The following GJC1 variants were observed in gnomAD, a reference collection of about 807,000 sequenced individuals.
GJC1 encodes gap junction gamma-1 protein.
In GJC1, 5 loss-of-function variants were observed where a neutral mutation model predicts 29.3. That is an observed-to-expected ratio of 0.17 (90% CI 0.09 to 0.36). The LOEUF is 0.36. GJC1 is among the 10% of genes least tolerant of loss of function. GJC1 has a pLI of 1.00. For missense variants in GJC1, 310 were observed against 496.2 expected (o/e 0.62, Z 3.56); for synonymous variants, 177 against 183.3 (o/e 0.97, Z 0.28).
intron 2 of GJC1, among the ~76,000 whole-genome samples, chr17:44,806,408 T>TTTG (rs2049913769): frequency 6.6e-6 from 1 of 150,836 alleles, no homozygotes; most frequent in African/African-American, 2.4e-5. Flanking sequence ...TTTGTTTTTT[T>TTTG]TTTTTTTTTT....
At chr17:44,795,688 C>T (rs114573727), downstream of GJC1, among the ~76,000 whole-genome samples, 343 of 152,338 alleles carry the variant, frequency 2.3e-3, no homozygotes, top group African/African-American at 7.9e-3. Context: ...GCTCTGACCC[C>T]AAGACAGTGT....
At chr17:44,808,761 TAAAG>T (rs1262522203) in intron 1 of GJC1, among the ~76,000 whole-genome samples, 8 of 151,668 alleles carry the variant, frequency 5.3e-5, no homozygotes, top group Admixed American at 4.6e-4. Context: ...CCTCAAAAAA[TAAAG>T]AAGCAAAAAG....
intron 1 of GJC1, chr17:44,829,389 A>G (rs185381553): frequency 2.6e-5 from 4 of 152,128 alleles, no homozygotes; most frequent in Non-Finnish European, 5.9e-5. Context: ...CACACACACA[A>G]AACAGTTCTC....
chr17:44,815,041 A>G (rs2050027174), intron 1 of GJC1, among the ~76,000 whole-genome samples: 2 of 152,086 alleles, frequency 1.3e-5, no homozygotes, highest in Admixed American at 6.6e-5. Flanking sequence ...TCTGAGATTC[A>G]GCTGTGAATG....
Position 44,811,083 on chromosome 17 carries a change from C to CT in GJC1, c.-96-3615dup, listed in dbSNP as rs112392353. Among the ~76,000 whole-genome samples the CT allele has an allele frequency of 2.6e-3, 380 of 144,098 alleles. 1 individual carries two copies. The highest frequency in any genetic ancestry group is 6.8e-3 in the African/African-American group (267 of 39,416). The allele number at this position is 144,098 out of a possible 152,430, so 94.5% of individuals were successfully genotyped here. On this transcript the variant is annotated intron_variant, in intron 1 of 2. Transcript: ENST00000592524. ...CACACGCAGCCAATATAATTTCTTT[C>CT]TTTTTTTTTTTGAGATGGAGTTTCG...
At chr17:44,818,257 A>C (rs2050066064) in intron 1 of GJC1, among the ~76,000 whole-genome samples, 1 of 152,174 alleles carries the variant, frequency 6.6e-6, no homozygotes, top group Admixed American at 6.6e-5. Flanking sequence ...AACACCAGAA[A>C]GAAAATACAT....
intron 1 of GJC1, among the ~76,000 whole-genome samples, chr17:44,811,988 A>G (rs944948214): frequency 3.3e-5 from 5 of 149,960 alleles, no homozygotes; most frequent in African/African-American, 1.2e-4. Context: ...GGGCAAGAAC[A>G]AAACTCTAAA....
intron 1 of GJC1, among the ~76,000 whole-genome samples, chr17:44,820,670 A>T (rs1373095375): frequency 6.6e-6 from 1 of 152,232 alleles, no homozygotes; most frequent in African/African-American, 2.4e-5. Flanking sequence ...AGTAGGTATT[A>T]ACAATCTAGG....
intron 1 of GJC1, among the ~76,000 whole-genome samples, 175 bp downstream of exon 1, chr17:44,829,887 G>C (rs865868812): frequency 0.012 from 1,837 of 151,994 alleles, 33 homozygotes; most frequent in African/African-American, 0.04. Flanking sequence ...CTCCGGACTC[G>C]GCGGGAACCC....
chr17:44,811,389 T>G (rs2049979540), intron 1 of GJC1, among the ~76,000 whole-genome samples: 2 of 114,382 alleles, frequency 1.7e-5, no homozygotes, highest in Admixed American at 8.2e-5. Context: ...GCCTTTTTTC[T>G]TTTTTTTTTT....
chr17:44,797,212 TCTC>T (rs1300763760), downstream of GJC1, among the ~76,000 whole-genome samples: 1 of 151,416 alleles, frequency 6.6e-6, no homozygotes, highest in Admixed American at 6.6e-5. Context: ...TTCACGCCAT[TCTC>T]CTGCCTCAGC....
downstream of GJC1, chr17:44,798,309 C>T (rs774578408): frequency 6.6e-6 from 1 of 152,136 alleles, no homozygotes; most frequent in Non-Finnish European, 1.5e-5. Context: ...AAGAGATTTT[C>T]GTATTAGCTT....
intron 1 of GJC1, among the ~76,000 whole-genome samples, chr17:44,817,258 A>C (rs1052164399): frequency 6.6e-6 from 1 of 152,094 alleles, no homozygotes; most frequent in Non-Finnish European, 1.5e-5. Flanking sequence ...AAAATCATCT[A>C]CTTATTAAGT....
upstream of GJC1, among the ~76,000 whole-genome samples, chr17:44,830,410 G>A (rs753259163): frequency 7.9e-5 from 12 of 151,928 alleles, no homozygotes; most frequent in Non-Finnish European, 1.8e-4. This position sits in a 1 kb window ranked among gnomAD's most constrained non-coding sequence, Gnocchi z 4.3. Context: ...GAAGCGACGC[G>A]AGCGCCAACT....
chr17:44,795,529 G>A (rs1460225497), downstream of GJC1, among the ~76,000 whole-genome samples: 3 of 152,130 alleles, frequency 2.0e-5, no homozygotes, highest in Non-Finnish European at 4.4e-5. Flanking sequence ...CACCCCTCCC[G>A]GCCACTAAAT....
At chr17:44,797,956 T>C (rs1280512354), downstream of GJC1, among the ~76,000 whole-genome samples, 1 of 152,202 alleles carries the variant, frequency 6.6e-6, no homozygotes, top group Non-Finnish European at 1.5e-5. Context: ...AGGGCATTGC[T>C]GCTCCCTTCT....
At chr17:44,815,957 C>A (rs370359264) in intron 1 of GJC1, among the ~76,000 whole-genome samples, 261 of 151,398 alleles carry the variant, frequency 1.7e-3, no homozygotes, top group African/African-American at 6.1e-3. Flanking sequence ...ACTAAAAATA[C>A]AAAAAATTAG....
At chr17:44,828,173 C>T (rs75081829) in intron 1 of GJC1, among the ~76,000 whole-genome samples, 8,872 of 152,188 alleles carry the variant, frequency 0.058, 322 homozygotes, top group Non-Finnish European at 0.084. Context: ...ATTTAATTGA[C>T]AAAGGATAAC....
chr17:44,812,356 A>G (rs772113352), intron 1 of GJC1, among the ~76,000 whole-genome samples: 2 of 151,980 alleles, frequency 1.3e-5, no homozygotes, highest in Non-Finnish European at 2.9e-5. Flanking sequence ...AAAACAAAAA[A>G]CCCATAACAT....
Sources: allele counts gnomAD v4.1 joint callset (sites outside exome capture counted in the v4.1 genomes callset), GRCh38; gene constraint gnomAD v4.1.1; non-coding constraint Gnocchi (gnomAD v3.1); transcripts MANE v1.5; gene names NCBI Gene and HGNC (gene_info 2026-07-23, HGNC 2026-07-21).